Variants in YEATS2 observed in about 807,000 individuals in gnomAD.
YEATS2 encodes the protein YEATS domain containing 2, also known as YEATS domain-containing protein 2.
A neutral mutation model predicts 163.2 loss-of-function variants in YEATS2; 77 were observed. The observed-to-expected ratio is 0.47, with a 90% CI of 0.39 to 0.57. YEATS2 has a LOEUF of 0.57. YEATS2 is among the 20% of genes least tolerant of loss of function. The pLI is 0.00. For missense variants in YEATS2, 1,549 were observed against 1,729.8 expected, an observed-to-expected ratio of 0.90 and a Z score of 1.85; for synonymous variants, 631 against 645.1, an observed-to-expected ratio of 0.98 and a Z score of 0.33.
intron 15 of YEATS2, among the ~76,000 whole-genome samples, chr3:183,767,310 C>G (rs777592234): frequency 4.3e-4 from 66 of 152,054 alleles, no homozygotes; most frequent in Middle Eastern, 6.9e-3. Flanking sequence ...ACTGCAACCT[C>G]TGTCTCCTGG....
chr3:183,717,558 C>A, intron 2 of YEATS2, 93 bp from the exon 3 acceptor site: 2 of 944,806 alleles, frequency 2.1e-6, no homozygotes, highest in South Asian at 1.7e-5. Flanking sequence ...TTTAGAGTTA[C>A]TATTTCTTGG....
intron 18 of YEATS2, among the ~76,000 whole-genome samples, chr3:183,776,946 C>CT (rs1723061943): frequency 6.8e-6 from 1 of 147,314 alleles, no homozygotes; most frequent in African/African-American, 2.5e-5. Flanking sequence ...GGGTGAGACT[C>CT]TGTCTCAAAA....
chr3:183,728,172 C>G (rs1004351798), intron 6 of YEATS2, among the ~76,000 whole-genome samples: 1 of 152,074 alleles, frequency 6.6e-6, no homozygotes, highest in African/African-American at 2.4e-5. Flanking sequence ...TCAGGCAGTC[C>G]TCCCACCTCA....
intron 8 of YEATS2, among the ~76,000 whole-genome samples, chr3:183,746,346 G>A (rs558271772): frequency 6.6e-6 from 1 of 152,314 alleles, no homozygotes; most frequent in East Asian, 1.9e-4. Context: ...GAGCCACCAA[G>A]CCTGGCCTCA....
intron 15 of YEATS2, among the ~76,000 whole-genome samples, chr3:183,765,793 A>G (rs1655561010): frequency 6.6e-6 from 1 of 152,116 alleles, no homozygotes; most frequent in Non-Finnish European, 1.5e-5. Flanking sequence ...CTAAAAATAC[A>G]AAAATTAGCC....
intron 8 of YEATS2, among the ~76,000 whole-genome samples, chr3:183,738,735 T>C (rs1296372258): frequency 7.8e-6 from 1 of 128,554 alleles, no homozygotes; most frequent in East Asian, 2.2e-4. Flanking sequence ...TATGAACTCA[T>C]CATTTTTTAT....
At chr3:183,714,035 C>G (rs1017145370) in intron 1 of YEATS2, among the ~76,000 whole-genome samples, 1 of 152,084 alleles carries the variant, frequency 6.6e-6, no homozygotes, top group African/African-American at 2.4e-5. Context: ...GAACTCCTGA[C>G]CTCGTGATCC....
At chr3:183,781,243 C>G (rs1209723998) in intron 19 of YEATS2, among the ~76,000 whole-genome samples, 2 of 152,118 alleles carry the variant, frequency 1.3e-5, no homozygotes, top group Non-Finnish European at 2.9e-5. Context: ...AGTCTGACTA[C>G]AAAGGCCTGC....
At chr3:183,744,572 G>C (rs960580215) in intron 8 of YEATS2, among the ~76,000 whole-genome samples, 1 of 152,104 alleles carries the variant, frequency 6.6e-6, no homozygotes, top group Admixed American at 6.6e-5. Flanking sequence ...AAGATTATTG[G>C]AGACAAGTGT....
In YEATS2 at chr3:183,777,577, T is replaced by G. The variant is rs761768664; in HGVS notation, c.2613T>G (p.Thr871=). 6.2e-7 allele frequency: 1 copy of G among 1,614,136 alleles called. No individual in the cohort carries two copies. Among genetic ancestry groups the G allele is most frequent in the Non-Finnish European group, 8.5e-7 (1 of 1,180,020 alleles). ...TFLVGQPSPQ[T]SGKQLTTGSV... ...TAGTTGGCCAGCCATCACCCCAGAC[T>G]TCTGGAAAACAACTCACCACTGGGT... The change falls in exon 19 of 31, where the codon ACT becomes ACG. Residue 871 remains threonine, a synonymous_variant. Coordinates refer to ENST00000305135, the MANE Select transcript of YEATS2 (RefSeq NM_018023.5).
intron 15 of YEATS2, among the ~76,000 whole-genome samples, chr3:183,767,597 G>C (rs1352473571): frequency 6.6e-6 from 1 of 152,054 alleles, no homozygotes; most frequent in Admixed American, 6.6e-5. Context: ...TGGCCACACT[G>C]GTCTCAAACT....
chr3:183,766,955 A>C lies in YEATS2; in HGVS notation c.1947+4676A>C, dbSNP rs200889868. Among the ~76,000 whole-genome samples the C allele has an allele frequency of 3.2e-4, 49 of 151,996 alleles. No individual in the cohort carries two copies. In the East Asian group the frequency reaches 7.0e-3, roughly 22 times the overall value. On this transcript the variant is annotated intron_variant, in intron 15 of 30. Coordinates refer to ENST00000305135, the MANE Select transcript of YEATS2 (RefSeq NM_018023.5). ...CTCCCAAAGTGTTGGGGTTATAAGC[A>C]TGAGCCACTGTGCCTGGCCAAAGTA...
chr3:183,715,121 A>G, intron 1 of YEATS2, 23 bp from the exon 2 acceptor site: 1 of 1,450,362 alleles, frequency 6.9e-7, no homozygotes, highest in Middle Eastern at 1.8e-4. Context: ...ATTAAAAATT[A>G]TTAATTTATC....
chr3:183,769,659 A>G (rs1250962350), intron 15 of YEATS2, among the ~76,000 whole-genome samples: 1 of 152,152 alleles, frequency 6.6e-6, no homozygotes, highest in East Asian at 1.9e-4. Context: ...TTGTGACGCT[A>G]TAGTTTATAA....
chr3:183,731,877 C>T (rs1276369358), intron 7 of YEATS2, among the ~76,000 whole-genome samples: 1 of 152,236 alleles, frequency 6.6e-6, no homozygotes, highest in East Asian at 1.9e-4. Context: ...TGTTCACAGC[C>T]TGGCGGCACA....
At chr3:183,700,231 C>T (rs1441015684) in intron 1 of YEATS2, among the ~76,000 whole-genome samples, 1 of 152,096 alleles carries the variant, frequency 6.6e-6, no homozygotes, top group Non-Finnish European at 1.5e-5. Context: ...GCTTCATGTT[C>T]ATTCAGTGGA....
chr3:183,759,661 C>T (rs1359406033), intron 13 of YEATS2, among the ~76,000 whole-genome samples: 4 of 152,168 alleles, frequency 2.6e-5, no homozygotes, highest in African/African-American at 9.7e-5. Context: ...AAATGGCTCC[C>T]ACCTTACAGT....
Position 183,794,072 on chromosome 3 carries a change from G to A in YEATS2, c.3097+3092G>A, listed in dbSNP as rs138125198. Among the ~76,000 whole-genome samples the A allele has an allele frequency of 2.6e-5, 4 of 152,312 alleles. No homozygotes were observed. In the East Asian group the frequency reaches 7.7e-4, roughly 29 times the overall value. ...GCATAAGGAGATTCTGTCAGAGCAC[G>A]CAGGGGCTGTGTGGGGTGTTGGAAC... is the stretch of plus-strand genomic sequence containing the variant. On this transcript the variant is annotated intron_variant, in intron 21 of 30. Transcript: ENST00000305135.
intron 8 of YEATS2, among the ~76,000 whole-genome samples, chr3:183,741,849 C>A (rs1333174843): frequency 6.6e-6 from 1 of 152,108 alleles, no homozygotes; most frequent in Non-Finnish European, 1.5e-5. Flanking sequence ...CCTGCTAACA[C>A]AATATCCATT....
Sources: gnomAD v4.1 joint callset for allele counts (sites outside exome capture counted in the v4.1 genomes callset) on GRCh38, gnomAD v4.1.1 for gene constraint, MANE v1.5 for transcripts, NCBI Gene and HGNC (gene_info 2026-07-23, HGNC 2026-07-21) for gene names.